The following STAT5B variants were observed in gnomAD, a reference collection of about 807,000 sequenced individuals.
STAT5B encodes the protein transcription factor STAT5B.
In STAT5B, 21 loss-of-function variants were observed where a neutral mutation model predicts 107.8. That is an observed-to-expected ratio of 0.19 (90% CI 0.14 to 0.28). The LOEUF (loss-of-function observed/expected upper bound fraction) is 0.28. Ranked by LOEUF, STAT5B falls within the 10% of genes least tolerant of loss-of-function variation. STAT5B has a pLI of 1.00. For missense variants in STAT5B, 565 were observed against 1,008.2 expected (o/e 0.56, Z 5.95); for synonymous variants, 325 against 401.7 (o/e 0.81, Z 2.28).
Position 42,202,031 on chromosome 17 carries a change from C to A in STAT5B, c.2238-167G>T, listed in dbSNP as rs554926278. 1.0e-4 allele frequency: 69 copies of A among 674,826 alleles called. No homozygotes were observed. In the South Asian group the frequency reaches 1.2e-3, roughly 12 times the overall value. 41.8% of individuals were successfully genotyped at this position (674,826 alleles called of 1,614,324 possible). ...ACAGCTGGCTGTACAGCAACTCAGA[C>A]TGAAATACCCTCCCCTGTTACCTCT... On this transcript the variant is annotated intron_variant, in intron 18 of 18. Coordinates refer to ENST00000293328, the MANE Select transcript of STAT5B (RefSeq NM_012448.4).
rs773473797 is a variant in STAT5B at position 42,212,194 on chromosome 17, A to T, written c.1474-4T>A. On this transcript the variant is annotated splice_polypyrimidine_tract_variant and splice_region_variant and intron_variant, in intron 12 of 18. Coordinates refer to ENST00000293328, the MANE Select transcript of STAT5B (RefSeq NM_012448.4). Reference sequence around the variant, plus strand: ...GCACGGCAAATGGCACCCTGCCCTGAGAGGGAGAGAGGCCAGAATCTGATG... The same window carrying T: ...GCACGGCAAATGGCACCCTGCCCTGTGAGGGAGAGAGGCCAGAATCTGATG... The T allele has an allele frequency of 6.2e-7, 1 of 1,614,062 alleles. No homozygotes were observed. Among genetic ancestry groups the T allele is most frequent in the South Asian group, 1.1e-5 (1 of 91,084 alleles).
Position 42,199,493 on chromosome 17 carries a change from G to C in STAT5B, c.*2245C>G, listed in dbSNP as rs576042434. On this transcript the variant is annotated 3_prime_UTR_variant, in exon 19 of 19. Transcript: ENST00000293328. Reference sequence around the variant, plus strand: ...ACGGAGCTGAAACTTTTGAGGACTTGTGTGTGTCTGGGAGTGGGTGAGAGG... The same window carrying C: ...ACGGAGCTGAAACTTTTGAGGACTTCTGTGTGTCTGGGAGTGGGTGAGAGG... 1 of 152,342 alleles carries C rather than the reference G, an allele frequency of 6.6e-6. No homozygotes were observed. Among genetic ancestry groups the C allele is most frequent in the Admixed American group, 6.5e-5 (1 of 15,272 alleles). The allele number at this position is 152,342 out of a possible 1,614,324, so 9.4% of individuals were successfully genotyped here.
chr17:42,200,707 A>T lies in STAT5B; in HGVS notation c.*1031T>A, dbSNP rs2080036979. 5.8e-6 allele frequency: 1 copy of T among 172,678 alleles called. No individual in the cohort carries two copies. The highest frequency in any genetic ancestry group is 2.0e-4 in the South Asian group (1 of 5,000). 10.7% of individuals were successfully genotyped at this position (172,678 alleles called of 1,614,324 possible). On this transcript the variant is annotated 3_prime_UTR_variant, in exon 19 of 19. Transcript: ENST00000293328. ...CAAGAGAGAATTTTGATGTCAAATT[A>T]GGGTGGCAAGGAGAAAACAAAAAAG...
intron 2 of STAT5B, among the ~76,000 whole-genome samples, chr17:42,231,213 C>T (rs757753908): frequency 3.9e-5 from 6 of 152,030 alleles, no homozygotes; most frequent in Non-Finnish European, 5.9e-5. Flanking sequence ...GCTATGTTGC[C>T]TAGGCTGGCC....
chr17:42,230,671 T>G (rs934186856), intron 2 of STAT5B, among the ~76,000 whole-genome samples: 1 of 152,114 alleles, frequency 6.6e-6, no homozygotes, highest in Non-Finnish European at 1.5e-5. Flanking sequence ...AGTTTTGTTT[T>G]TTTTTTTTAA....
At chr17:42,287,328 G>GCCCCCC in the STAT5B span, among the ~76,000 whole-genome samples, 1 of 118,676 alleles carries the variant, frequency 8.4e-6, no homozygotes, top group African/African-American at 3.4e-5. Context: ...AGATGAGAAT[G>GCCCCCC]CACCCCCCCC....
chr17:42,273,662 A>AGATTAGATTAGATTAGATT (rs1215517096), intron 1 of STAT5B, among the ~76,000 whole-genome samples: 2 of 152,156 alleles, frequency 1.3e-5, no homozygotes, highest in Non-Finnish European at 1.5e-5. Context: ...CTTCGATTCC[A>AGATTAGATTAGATTAGATT]CCTGTAACCT....
At chr17:42,217,081 A>C in intron 11 of STAT5B, 79 bp downstream of exon 11, 1 of 1,548,854 alleles carries the variant, frequency 6.5e-7, no homozygotes, top group Non-Finnish European at 8.7e-7. Flanking sequence ...CTATGTGATA[A>C]AAAAAAAATA....
intron 1 of STAT5B, chr17:42,274,798 T>TA (rs755147189): frequency 3.3e-5 from 5 of 152,224 alleles, no homozygotes; most frequent in Non-Finnish European, 5.9e-5. Flanking sequence ...ACAGTTCTAT[T>TA]ACCTTAATTG....
At chr17:42,259,716 G>A (rs1466616255) in intron 1 of STAT5B, among the ~76,000 whole-genome samples, 1 of 152,024 alleles carries the variant, frequency 6.6e-6, no homozygotes, top group African/African-American at 2.4e-5. Context: ...GAACCTGTCG[G>A]GGGGAGGCTT....
At chr17:42,243,877 A>G (rs16967596) in intron 1 of STAT5B, among the ~76,000 whole-genome samples, 53,908 of 151,778 alleles carry the variant, frequency 0.36, 10,698 homozygotes, top group African/African-American at 0.53. Context: ...CACAGTGTAC[A>G]TGTGTTATCA....
intron 2 of STAT5B, among the ~76,000 whole-genome samples, chr17:42,228,300 TAAAC>T (rs1438080562): frequency 6.6e-6 from 1 of 152,210 alleles, no homozygotes; most frequent in Non-Finnish European, 1.5e-5. Flanking sequence ...ACTTTTCCAG[TAAAC>T]AAGGAAAACC....
intron 12 of STAT5B, among the ~76,000 whole-genome samples, chr17:42,214,866 C>T (rs1323918343): frequency 2.0e-5 from 3 of 152,010 alleles, no homozygotes; most frequent in Non-Finnish European, 4.4e-5. Flanking sequence ...CCTCCCGCCT[C>T]AGCCCCCCCC....
At chr17:42,249,389 T>C (rs2080479320) in intron 1 of STAT5B, among the ~76,000 whole-genome samples, 1 of 150,870 alleles carries the variant, frequency 6.6e-6, no homozygotes, top group African/African-American at 2.5e-5. Context: ...TGAGACTCTA[T>C]CTCAAAAAAA....
At chr17:42,222,526 C>T (rs1340429405) in intron 5 of STAT5B, among the ~76,000 whole-genome samples, 1 of 152,098 alleles carries the variant, frequency 6.6e-6, no homozygotes, top group Non-Finnish European at 1.5e-5. Flanking sequence ...AGTACTTACA[C>T]GTACCTGCTT....
intron 1 of STAT5B, among the ~76,000 whole-genome samples, chr17:42,257,899 T>C (rs2080560331): frequency 6.6e-6 from 1 of 152,180 alleles, no homozygotes; most frequent in Admixed American, 6.5e-5. Flanking sequence ...TCCAACACAA[T>C]ATACTTTTAT....
the STAT5B span, among the ~76,000 whole-genome samples, chr17:42,282,979 C>A: frequency 6.6e-6 from 1 of 152,270 alleles, no homozygotes; most frequent in Admixed American, 6.5e-5. Flanking sequence ...GTGGGTAGAT[C>A]TGAGACTTAA....
chr17:42,216,947 G>A (rs900088844), intron 11 of STAT5B, among the ~76,000 whole-genome samples: 4 of 152,032 alleles, frequency 2.6e-5, no homozygotes, highest in African/African-American at 9.7e-5. Context: ...CCAAAGTGCT[G>A]GGATTACAAG....
chr17:42,210,657 G>A (rs759915585), intron 13 of STAT5B, 160 bp from the exon 14 acceptor site: 77 of 704,728 alleles, frequency 1.1e-4, no homozygotes, highest in Non-Finnish European at 1.8e-4. Flanking sequence ...TGGCCCCATG[G>A]AGAGGAAAAG....
Sources: allele counts gnomAD v4.1 joint callset (sites outside exome capture counted in the v4.1 genomes callset), GRCh38; gene constraint gnomAD v4.1.1; transcripts MANE v1.5; gene names NCBI Gene and HGNC (gene_info 2026-07-23, HGNC 2026-07-21).